The following DHX37 variants were observed in gnomAD, a reference collection of about 807,000 sequenced individuals.
DHX37 encodes the protein probable ATP-dependent RNA helicase DHX37.
In DHX37, 52 loss-of-function variants were observed where a neutral mutation model predicts 134.3. The observed-to-expected ratio is 0.39, with a 90% confidence interval of 0.31 to 0.49. The LOEUF (loss-of-function observed/expected upper bound fraction) is 0.49, where lower values mean the gene tolerates loss of function less well. DHX37 is among the 20% of genes least tolerant of loss of function. DHX37 has a pLI of 0.93. For missense variants in DHX37, 1,344 were observed against 1,580.8 expected (o/e 0.85, Z 2.54); for synonymous variants, 634 against 670.7 (o/e 0.95, Z 0.85).
intron 3 of DHX37, 65 bp downstream of exon 3, chr12:124,982,446 C>A: frequency 6.3e-7 from 1 of 1,594,302 alleles, no homozygotes; most frequent in Non-Finnish European, 8.6e-7. Context: ...GACCCCATAA[C>A]CTGTGCGCCC....
intron 6 of DHX37, among the ~76,000 whole-genome samples, chr12:124,973,456 T>C (rs969385546): frequency 7.5e-5 from 11 of 147,586 alleles, no homozygotes; most frequent in Non-Finnish European, 1.6e-4. Flanking sequence ...TACAGCAAAA[T>C]ATTGAGGATA....
At chr12:124,963,987 G>A (rs12318252) in intron 15 of DHX37, among the ~76,000 whole-genome samples, 8,402 of 150,206 alleles carry the variant, frequency 0.056, 287 homozygotes, top group Middle Eastern at 0.13. Flanking sequence ...CTGAAACCCC[G>A]TCTCTACTAA....
intron 2 of DHX37, among the ~76,000 whole-genome samples, chr12:124,983,218 C>T (rs1418827133): frequency 1.3e-5 from 2 of 152,080 alleles, no homozygotes; most frequent in Non-Finnish European, 2.9e-5. Context: ...ACGCCATTCT[C>T]CTGCCTCAGC....
chr12:124,987,121 T>C (rs915991003), intron 1 of DHX37, among the ~76,000 whole-genome samples: 1 of 152,284 alleles, frequency 6.6e-6, no homozygotes, highest in Middle Eastern at 3.4e-3. Flanking sequence ...TTTGGGAAAA[T>C]CACCTGAGGC....
At chr12:124,985,085 C>T (rs1043895647) in intron 2 of DHX37, among the ~76,000 whole-genome samples, 1 of 152,162 alleles carries the variant, frequency 6.6e-6, no homozygotes, top group African/African-American at 2.4e-5. Context: ...GAATGACCCT[C>T]CCCTGAGCCC....
intron 25 of DHX37, 151 bp from the exon 26 acceptor site, chr12:124,948,332 C>T: frequency 1.5e-6 from 2 of 1,366,270 alleles, no homozygotes; most frequent in Non-Finnish European, 1.9e-6. Flanking sequence ...CACCTGTAGC[C>T]CCAGTTACTC....
rs71092252 is a variant in DHX37 at position 124,973,638 on chromosome 12, C to CTTTTTTTTT, written c.981-1048_981-1040dup. 8.7e-5 allele frequency among the ~76,000 whole-genome samples: 9 copies of CTTTTTTTTT among 102,874 alleles called. 4 individuals carry two copies. The highest frequency in any genetic ancestry group is 7.6e-5 in the African/African-American group (2 of 26,276). The allele number at this position is 102,874 out of a possible 152,430, so 67.5% of individuals were successfully genotyped here. On this transcript the variant is annotated intron_variant, in intron 6 of 26. Transcript: ENST00000308736. ...TTATGTATATGCGCCCCCCCCAACG[C>CTTTTTTTTT]TTTTTTTTTTTTTTTTTTTTGAGAT...
chr12:124,959,519 G>A (rs1427923292), intron 16 of DHX37, among the ~76,000 whole-genome samples: 5 of 152,038 alleles, frequency 3.3e-5, no homozygotes, highest in East Asian at 1.9e-4. Context: ...CACCAGGCCC[G>A]GCCAGCACCC....
At chr12:124,982,488 T>C (rs1170942911) in intron 3 of DHX37, 23 bp downstream of exon 3, 1 of 1,611,936 alleles carries the variant, frequency 6.2e-7, no homozygotes, top group Admixed American at 1.7e-5. Context: ...AGGGCAGGGT[T>C]AGCAAAGGAC....
chr12:124,982,230 C>T (rs1954775016), intron 3 of DHX37, among the ~76,000 whole-genome samples: 1 of 152,108 alleles, frequency 6.6e-6, no homozygotes, highest in African/African-American at 2.4e-5. Context: ...ATCAGCTGCA[C>T]AAAAGCTGGA....
In DHX37 at chr12:124,974,960, G is replaced by A. The variant is rs1473268403; in HGVS notation, c.980+459C>T. Among the ~76,000 whole-genome samples, 5 of 152,146 alleles carry A rather than the reference G, an allele frequency of 3.3e-5. No individual in the cohort carries two copies. In the East Asian group the frequency reaches 9.7e-4, roughly 29 times the overall value. On this transcript the variant is annotated intron_variant, in intron 6 of 26. Transcript: ENST00000308736. Reference sequence around the variant, plus strand: ...CCTGGCTCATCTTGTATTTTTAGTAGAGACAGGGTTTCTCCATGTTGGTCA... The same window carrying A: ...CCTGGCTCATCTTGTATTTTTAGTAAAGACAGGGTTTCTCCATGTTGGTCA...
In DHX37 at chr12:124,953,221, C is replaced by T. The variant is rs116176443; in HGVS notation, c.2696-651G>A. 1.4e-3 allele frequency: 209 copies of T among 152,934 alleles called. 4 individuals are homozygous for T. The highest frequency in any genetic ancestry group is 4.9e-3 in the African/African-American group (203 of 41,558). The allele number at this position is 152,934 out of a possible 1,614,324, so 9.5% of individuals were successfully genotyped here. A position where few individuals can be genotyped will look rare whatever the true frequency, so the allele number is the denominator to read the frequency against. Reference sequence around the variant, plus strand: ...TGGGGCTGCTCTGGAAAGCCACAGCCAGAAGGACACAGAGCATGGTGACAG... The same window carrying T: ...TGGGGCTGCTCTGGAAAGCCACAGCTAGAAGGACACAGAGCATGGTGACAG... On this transcript the variant is annotated intron_variant, in intron 20 of 26. Transcript: ENST00000308736.
At position 124,989,088 on chromosome 12, in the gene DHX37, G is replaced by T; in HGVS notation, c.-66C>A. On this transcript the variant is annotated 5_prime_UTR_variant, in exon 1 of 27. Coordinates refer to ENST00000308736, the MANE Select transcript of DHX37 (RefSeq NM_032656.4). ...CAGAGCAATCCGAAACCCAGCCCAC[G>T]TGGGTTCCCAGACCACCAACTCCGG... 8.9e-7 allele frequency: 1 copy of T among 1,128,246 alleles called. No homozygotes were observed. 69.9% of individuals were successfully genotyped at this position (1,128,246 alleles called of 1,614,324 possible).
At chr12:124,985,470 T>C (rs887700042) in intron 2 of DHX37, among the ~76,000 whole-genome samples, 15 of 151,956 alleles carry the variant, frequency 9.9e-5, no homozygotes, top group East Asian at 1.9e-4. Flanking sequence ...GGCATGGTGG[T>C]TCACGCCTGT....
At chr12:124,948,439 G>A (rs1953914171) in intron 25 of DHX37, 3 of 604,880 alleles carry the variant, frequency 5.0e-6, no homozygotes, top group South Asian at 2.2e-5. Flanking sequence ...AACAGGGCAA[G>A]AACTTGTCTC....
At chr12:124,951,245 C>T (rs1365433270) in intron 21 of DHX37, among the ~76,000 whole-genome samples, 1 of 149,664 alleles carries the variant, frequency 6.7e-6, no homozygotes, top group Non-Finnish European at 1.5e-5. Flanking sequence ...CACGCCATTG[C>T]ACTCCGGCTT....
Position 124,964,943 on chromosome 12 carries a change from T to C in DHX37, c.1799A>G (p.Glu600Gly). The C allele has an allele frequency of 6.3e-7, 1 of 1,594,850 alleles. No homozygotes were observed. Among genetic ancestry groups the C allele is most frequent in the Non-Finnish European group, 8.5e-7 (1 of 1,172,460 alleles). The stretch of plus-strand genomic sequence containing the variant: ...CAGCACGGTTACCTGTGCTTGCTTC[T>C]CTGGGGCCAGCAGAGAGTACAGCGG... ...VLPLYSLLAP[E>G]KQAQVFKPPP... The change falls in exon 14 of 27, where the codon GAG becomes GGG. Residue 600 changes from glutamate to glycine, a missense_variant. Physicochemically the swap from Glu to Gly is moderately conservative, Grantham distance 98. Around this residue, in one of 7 missense-constraint regions of DHX37, gnomAD observed 289 missense variants for 323.8 expected, o/e 0.89. Coordinates refer to ENST00000308736, the MANE Select transcript of DHX37 (RefSeq NM_032656.4).
chr12:124,974,111 G>A (rs1026363575), intron 6 of DHX37, among the ~76,000 whole-genome samples: 85 of 151,584 alleles, frequency 5.6e-4, no homozygotes, highest in African/African-American at 1.5e-3. Flanking sequence ...CCGCCACTGC[G>A]CACGGCTAAT....
Position 124,968,579 on chromosome 12 carries a change from C to T in DHX37, c.1363G>A (p.Glu455Lys), listed in dbSNP as rs1268839355. ...KRTPLEDYSG[E>K]CFRKVCKIHR... ...ATCTTGCAGACCTTCCGGAAGCACT[C>T]GCCACTGTAGTCTTCCAGCGGTGTC... The change falls in exon 10 of 27, where the codon GAG (glutamate) becomes AAG (lysine). Residue 455 changes from glutamate to lysine, a missense_variant. Physicochemically the swap from Glu to Lys is moderately conservative, Grantham distance 56. Coordinates refer to ENST00000308736, the MANE Select transcript of DHX37 (RefSeq NM_032656.4). 6.8e-6 allele frequency: 11 copies of T among 1,613,924 alleles called. No homozygotes were observed. Among genetic ancestry groups the T allele is most frequent in the Middle Eastern group, 3.3e-4 (2 of 6,084 alleles).
Sources: gnomAD v4.1 joint callset for allele counts (sites outside exome capture counted in the v4.1 genomes callset) on GRCh38, gnomAD v4.1.1 for gene constraint, gnomAD v4.1.1 regional missense constraint, MANE v1.5 for transcripts, NCBI Gene and HGNC (gene_info 2026-07-23, HGNC 2026-07-21) for gene names.